SFSWAP: variants seen among roughly 807,000 people sequenced by gnomAD.
SFSWAP encodes the protein splicing factor, suppressor of white-apricot homolog.
A neutral mutation model predicts 100.7 loss-of-function variants in SFSWAP; 17 were observed. The observed-to-expected ratio is 0.17, with a 90% CI of 0.12 to 0.25. The LOEUF (loss-of-function observed/expected upper bound fraction) is 0.25, where lower values mean the gene tolerates loss of function less well. Ranked by LOEUF, SFSWAP falls within the 10% of genes least tolerant of loss-of-function variation. The pLI, the probability that SFSWAP is intolerant of heterozygous loss-of-function variation, is 1.00. For missense variants in SFSWAP, 1,005 were observed against 1,262.6 expected (o/e 0.80, Z 3.09); for synonymous variants, 504 against 510.1 (o/e 0.99, Z 0.16).
intron 7 of SFSWAP, among the ~76,000 whole-genome samples, chr12:131,739,538 T>TAC: frequency 2.4e-5 from 2 of 83,956 alleles, no homozygotes; most frequent in East Asian, 2.4e-4. Flanking sequence ...CCCAGTTGCT[T>TAC]TTTTTTTTTT....
intron 7 of SFSWAP, among the ~76,000 whole-genome samples, chr12:131,740,134 C>T (rs1266868550): frequency 6.6e-6 from 1 of 152,090 alleles, no homozygotes; most frequent in Admixed American, 6.6e-5. Flanking sequence ...CAGGGTGGCC[C>T]GGGGTAGCTG....
intron 3 of SFSWAP, among the ~76,000 whole-genome samples, chr12:131,717,167 G>A (rs1878002159): frequency 1.3e-5 from 2 of 152,012 alleles, no homozygotes; most frequent in Admixed American, 6.6e-5. Context: ...CCCATTGAGC[G>A]TCACATTCTG....
At chr12:131,773,723 G>T (rs1283962552) in intron 13 of SFSWAP, among the ~76,000 whole-genome samples, 1 of 152,222 alleles carries the variant, frequency 6.6e-6, no homozygotes, top group Non-Finnish European at 1.5e-5. Flanking sequence ...ACTGAAACCT[G>T]CCTGTGTTTG....
intron 13 of SFSWAP, among the ~76,000 whole-genome samples, chr12:131,769,246 A>C (rs1176936538): frequency 2.0e-5 from 3 of 152,220 alleles, no homozygotes; most frequent in African/African-American, 7.2e-5. Context: ...GGAGAAGCAC[A>C]GTATAAAATA....
chr12:131,766,717 G>A (rs1326532900), intron 13 of SFSWAP, among the ~76,000 whole-genome samples: 1 of 152,186 alleles, frequency 6.6e-6, no homozygotes, highest in Non-Finnish European at 1.5e-5. Flanking sequence ...GCCACGGTCT[G>A]TATCAATGTC....
chr12:131,775,453 GT>G (rs1165738862), intron 13 of SFSWAP, among the ~76,000 whole-genome samples: 3 of 152,172 alleles, frequency 2.0e-5, no homozygotes, highest in Non-Finnish European at 4.4e-5. Context: ...TGCTCCTGAT[GT>G]AGAGGCCGTG....
At chr12:131,777,711 A>G (rs545223762) in intron 13 of SFSWAP, among the ~76,000 whole-genome samples, 1 of 152,274 alleles carries the variant, frequency 6.6e-6, no homozygotes, top group East Asian at 1.9e-4. Context: ...TCCCTGAGGA[A>G]TGGCCACACT....
At chr12:131,715,784 CTAATT>C (rs1408001170) in intron 3 of SFSWAP, among the ~76,000 whole-genome samples, 1 of 152,168 alleles carries the variant, frequency 6.6e-6, no homozygotes, top group African/African-American at 2.4e-5. Flanking sequence ...AATTGTAGAG[CTAATT>C]TAATCTGTTA....
At chr12:131,766,943 TTG>T (rs1883168313) in intron 13 of SFSWAP, among the ~76,000 whole-genome samples, 1 of 150,774 alleles carries the variant, frequency 6.6e-6, no homozygotes, top group Non-Finnish European at 1.5e-5. Flanking sequence ...GCCAAGGGGA[TTG>T]CTCCCTTGTG....
chr12:131,716,136 A>T (rs1877889796), intron 3 of SFSWAP, among the ~76,000 whole-genome samples: 2 of 152,190 alleles, frequency 1.3e-5, no homozygotes, highest in Non-Finnish European at 2.9e-5. Flanking sequence ...ATCCTAACGG[A>T]ATGATAGGAC....
intron 7 of SFSWAP, among the ~76,000 whole-genome samples, chr12:131,736,919 TGTG>T (rs1024523362): frequency 6.0e-5 from 9 of 150,938 alleles, no homozygotes; most frequent in African/African-American, 1.2e-4. Flanking sequence ...GTGCCAGCGA[TGTG>T]GTACTTGTGG....
intron 3 of SFSWAP, 59 bp from the exon 4 acceptor site, chr12:131,719,395 G>C: frequency 7.9e-7 from 1 of 1,259,000 alleles, no homozygotes; most frequent in Non-Finnish European, 1.2e-6. Flanking sequence ...GCTGCCTGCT[G>C]TTAGCAGGTG....
At chr12:131,729,482 C>T (rs1342779298) in intron 7 of SFSWAP, among the ~76,000 whole-genome samples, 2 of 152,046 alleles carry the variant, frequency 1.3e-5, no homozygotes, top group South Asian at 2.1e-4. Context: ...CTAGCCTGGG[C>T]GATAGAGCAG....
At chr12:131,792,186 TTAC>T (rs1458087545) in intron 15 of SFSWAP, among the ~76,000 whole-genome samples, 1 of 105,620 alleles carries the variant, frequency 9.5e-6, no homozygotes, top group East Asian at 3.0e-4. Context: ...TCACAGATCA[TTAC>T]TGTGTGTGCG....
At chr12:131,784,951 C>T in intron 14 of SFSWAP, 3 of 687,756 alleles carry the variant, frequency 4.4e-6, no homozygotes, top group Non-Finnish European at 6.6e-6. Flanking sequence ...TTGTAGAATT[C>T]TACGTGTAAG....
At chr12:131,731,901 C>CTTTTT (rs755819493) in intron 7 of SFSWAP, among the ~76,000 whole-genome samples, 4 of 55,304 alleles carry the variant, frequency 7.2e-5, no homozygotes, top group East Asian at 7.9e-4. Flanking sequence ...TACTATTTTA[C>CTTTTT]TTTTTTTTTT....
intron 13 of SFSWAP, among the ~76,000 whole-genome samples, chr12:131,770,989 C>A (rs966366593): frequency 6.6e-6 from 1 of 152,180 alleles, no homozygotes; most frequent in African/African-American, 2.4e-5. Context: ...TCCTCTGGGT[C>A]CAGCCATGCA....
intron 14 of SFSWAP, chr12:131,784,401 T>A (rs1010353264): frequency 6.6e-6 from 1 of 152,170 alleles, no homozygotes; most frequent in Non-Finnish European, 1.5e-5. Context: ...GTGGAGTAGA[T>A]GAAATGGTTA....
chr12:131,722,937 A>G (rs1878618209), intron 4 of SFSWAP, among the ~76,000 whole-genome samples: 1 of 152,238 alleles, frequency 6.6e-6, no homozygotes, highest in Non-Finnish European at 1.5e-5. Flanking sequence ...CAACAGAGCC[A>G]GATCCTGTCT....
Sources: gnomAD v4.1 joint callset for allele counts (sites outside exome capture counted in the v4.1 genomes callset) on GRCh38, gnomAD v4.1.1 for gene constraint, MANE v1.5 for transcripts, NCBI Gene and HGNC (gene_info 2026-07-23, HGNC 2026-07-21) for gene names.